Variants in CAVIN1 observed in about 807,000 individuals in gnomAD.
The protein encoded by CAVIN1 is caveolae associated protein 1.
Under a neutral mutation model 24.0 loss-of-function variants are expected in CAVIN1, and 16 were observed. The observed-to-expected ratio is 0.67, with a 90% CI of 0.45 to 1.01. CAVIN1 has a LOEUF of 1.01. CAVIN1 is among the 50% of genes least tolerant of loss of function. The pLI, the probability that CAVIN1 is intolerant of heterozygous loss-of-function variation, is 0.00. For missense variants in CAVIN1, 510 were observed against 551.7 expected, an observed-to-expected ratio of 0.92 and a Z score of 0.76; for synonymous variants, 256 against 256.4, an observed-to-expected ratio of 1.00 and a Z score of 0.02.
At chr17:42,412,140 G>A in intron 1 of CAVIN1, 1 of 985,348 alleles carries the variant, frequency 1.0e-6, no homozygotes, top group Non-Finnish European at 1.2e-6. Context: ...CAAAAGGTGG[G>A]AGCTCAGGCA....
rs192449012 is a variant in CAVIN1 at position 42,409,160 on chromosome 17, G to A, written c.472-3772C>T. 3.7e-3 allele frequency among the ~76,000 whole-genome samples: 562 copies of A among 151,722 alleles called. 5 individuals carry two copies. Among genetic ancestry groups the A allele is most frequent in the African/African-American group, 0.013 (537 of 41,324 alleles). On this transcript the variant is annotated intron_variant, in intron 1 of 1. Coordinates refer to ENST00000357037, the MANE Select transcript of CAVIN1 (RefSeq NM_012232.6). ...CTGTCAACCAGGCTGAAGTGCAGTG[G>A]CATGATTACAGGTCACTACAGCCTC...
chr17:42,412,059 G>A lies in CAVIN1; in HGVS notation c.472-6671C>T, dbSNP rs530633242. 12 of 985,338 alleles carry A rather than the reference G, an allele frequency of 1.2e-5. No homozygotes were observed. In the Admixed American group the frequency reaches 2.5e-4, roughly 20 times the overall value. The allele number at this position is 985,338 out of a possible 1,614,324, so 61.0% of individuals were successfully genotyped here. A position where few individuals can be genotyped will look rare whatever the true frequency, so the allele number is the denominator to read the frequency against. ...CCGGGAGACCCTAAACACTCCCACC[G>A]GCTGTCAGCTCCTCTGGGGTGGGCC... On this transcript the variant is annotated intron_variant, in intron 1 of 1. Transcript: ENST00000357037.
intron 1 of CAVIN1, among the ~76,000 whole-genome samples, chr17:42,415,778 A>G (rs1196740310): frequency 6.6e-6 from 1 of 152,120 alleles, no homozygotes; most frequent in Non-Finnish European, 1.5e-5. Flanking sequence ...AAAAAATGCT[A>G]ATGACAGAAT....
At chr17:42,411,411 T>C in intron 1 of CAVIN1, 1 of 984,982 alleles carries the variant, frequency 1.0e-6, no homozygotes, top group Non-Finnish European at 1.2e-6. Flanking sequence ...TTTAACATTT[T>C]TTTTAAGTTG....
At chr17:42,408,131 A>T (rs1039539055) in intron 1 of CAVIN1, among the ~76,000 whole-genome samples, 5 of 151,974 alleles carry the variant, frequency 3.3e-5, no homozygotes, top group African/African-American at 1.2e-4. Flanking sequence ...CTTTCACTAA[A>T]CTCAGACAAT....
chr17:42,414,756 A>C (rs951538762), intron 1 of CAVIN1, among the ~76,000 whole-genome samples: 1 of 152,040 alleles, frequency 6.6e-6, no homozygotes, highest in Non-Finnish European at 1.5e-5. Flanking sequence ...AAAACAAAGC[A>C]GCAGGTCCCA....
In CAVIN1 at chr17:42,422,613, C is replaced by A; in HGVS notation, c.471+14G>T. ...GCGCGGGAGCTCTGGGCGCCTTCCG[C>A]CCTGTGGGCTCACCTGGTAGATCAT... On this transcript the variant is annotated intron_variant, in intron 1 of 1. Transcript: ENST00000357037. 6.4e-7 allele frequency: 1 copy of A among 1,554,574 alleles called. No individual in the cohort carries two copies. Among genetic ancestry groups the A allele is most frequent in the East Asian group, 2.4e-5 (1 of 41,320 alleles).
intron 1 of CAVIN1, among the ~76,000 whole-genome samples, chr17:42,409,543 G>A (rs1465271028): frequency 6.6e-6 from 1 of 152,148 alleles, no homozygotes; most frequent in Non-Finnish European, 1.5e-5. Context: ...TCAGGGGACA[G>A]GAGACGAAAC....
At position 42,404,822 on chromosome 17, in the gene CAVIN1, G is replaced by A. The variant is rs1041083938; in HGVS notation, c.1038C>T (p.Ala346=). Residue 346 remains alanine, a synonymous_variant, in exon 2 of 2, where the codon GCC becomes GCT. Coordinates refer to ENST00000357037, the MANE Select transcript of CAVIN1 (RefSeq NM_012232.6). Reference sequence around the variant, plus strand: ...GCTCCGCGCCGCCCTCGTCGTCGTCGGCGCCCACCTCCACCATCTCGGTGG... The same window carrying A: ...GCTCCGCGCCGCCCTCGTCGTCGTCAGCGCCCACCTCCACCATCTCGGTGG... ...LKATEMVEVG[A]DDDEGGAERG... The A allele has an allele frequency of 1.2e-6, 2 of 1,612,220 alleles. No individual in the cohort carries two copies. Among genetic ancestry groups the A allele is most frequent in the Admixed American group, 1.7e-5 (1 of 59,886 alleles).
At chr17:42,408,288 C>G (rs933454753) in intron 1 of CAVIN1, among the ~76,000 whole-genome samples, 18 of 152,028 alleles carry the variant, frequency 1.2e-4, no homozygotes, top group African/African-American at 3.9e-4. Flanking sequence ...TGCTCCACCC[C>G]ACCCCTAAAG....
Position 42,405,334 on chromosome 17 carries a change from C to G in CAVIN1, c.526G>C (p.Glu176Gln), listed in dbSNP as rs773010943. 1 of 1,610,022 alleles carries G rather than the reference C, an allele frequency of 6.2e-7. No individual in the cohort carries two copies. Among genetic ancestry groups the G allele is most frequent in the Non-Finnish European group, 8.5e-7 (1 of 1,179,996 alleles). ...TCGCCCTCCTTCTCTGGCAGCGCCT[C>G]CGACTCTTTCAGCGATTTGCTGATG... is the stretch of plus-strand genomic sequence containing the variant. ...LSISKSLKES[E>Q]ALPEKEGEEL... The change falls in exon 2 of 2, where the codon GAG (glutamate) becomes CAG (glutamine). Residue 176 changes from glutamate to glutamine, a missense_variant. Glu to Gln is a conservative substitution (Grantham distance 29). Transcript: ENST00000357037.
intron 1 of CAVIN1, among the ~76,000 whole-genome samples, chr17:42,420,743 T>C (rs2085540003): frequency 6.6e-6 from 1 of 152,144 alleles, no homozygotes; most frequent in Non-Finnish European, 1.5e-5. Flanking sequence ...CTTTCCCTCT[T>C]CTCTCAGAAT....
intron 1 of CAVIN1, among the ~76,000 whole-genome samples, chr17:42,419,010 A>T (rs1173405574): frequency 6.6e-6 from 1 of 152,114 alleles, no homozygotes; most frequent in African/African-American, 2.4e-5. Flanking sequence ...TGGGCAACTA[A>T]GTGAGACCCC....
At position 42,405,241 on chromosome 17, in the gene CAVIN1, CCGCCTCGTCCGACGAAAGCTCCAG is replaced by C; in HGVS notation, c.595_618del (p.Leu199_Ala206del). ...TCCTCAATAACCTCCTCAACCTCCA[CCGCCTCGTCCGACGAAAGCTCCAG>C]CGCCGCTGCGTCCTCCTCGGGCCGC... On this transcript the variant is annotated inframe_deletion, in exon 2 of 2. Transcript: ENST00000357037. 6.2e-7 allele frequency: 1 copy of C among 1,613,776 alleles called. No homozygotes were observed. The highest frequency in any genetic ancestry group is 8.5e-7 in the Non-Finnish European group (1 of 1,179,950).
chr17:42,421,552 C>T (rs113137416), intron 1 of CAVIN1, among the ~76,000 whole-genome samples: 2 of 152,168 alleles, frequency 1.3e-5, no homozygotes, highest in Non-Finnish European at 2.9e-5. Flanking sequence ...GGCTGGAACA[C>T]TTGCCGCCCA....
rs747663663 is a variant in CAVIN1 at position 42,422,670 on chromosome 17, G to A, written c.428C>T (p.Ala143Val). 20 of 1,603,170 alleles carry A rather than the reference G, an allele frequency of 1.2e-5. No homozygotes were observed. Among genetic ancestry groups the A allele is most frequent in the Middle Eastern group, 1.6e-4 (1 of 6,070 alleles). ...GQIKKLEVNE[A>V]ELLRRRNFKV... is the part of the protein sequence containing the mutation. ...AAAGTTGCGGCGCCGCAGCAGCTCG[G>A]CCTCGTTGACCTCCAGCTTCTTGAT... Residue 143 changes from alanine to valine, a missense_variant, in exon 1 of 2, where the codon GCC becomes GTC. Coordinates refer to ENST00000357037, the MANE Select transcript of CAVIN1 (RefSeq NM_012232.6).
intron 1 of CAVIN1, among the ~76,000 whole-genome samples, chr17:42,417,153 C>T (rs551004856): frequency 6.6e-6 from 1 of 152,086 alleles, no homozygotes; most frequent in Non-Finnish European, 1.5e-5. Context: ...CAACCGTGGT[C>T]CCATAAGATT....
intron 1 of CAVIN1, among the ~76,000 whole-genome samples, chr17:42,409,451 T>A (rs963906519): frequency 2.2e-4 from 33 of 152,104 alleles, no homozygotes; most frequent in African/African-American, 7.2e-4. Flanking sequence ...CAGTAAGGGA[T>A]CTGGGGGCTC....
Position 42,405,062 on chromosome 17 carries a change from C to T in CAVIN1, c.798G>A (p.Thr266=), listed in dbSNP as rs1298187185. Residue 266 remains threonine (T), a synonymous_variant, in exon 2 of 2, where the codon ACG becomes ACA. Coordinates refer to ENST00000357037, the MANE Select transcript of CAVIN1 (RefSeq NM_012232.6). ...TCATGCGCTTCTCCAGGGTGTGCCG[C>T]GTCTTCTCCAGGTTTTCCTTGGTCT... ...RLKTKENLEK[T]RHTLEKRMNK... 1 of 1,614,174 alleles carries T rather than the reference C, an allele frequency of 6.2e-7. No individual in the cohort carries two copies.
Sources: allele counts gnomAD v4.1 joint callset (sites outside exome capture counted in the v4.1 genomes callset), GRCh38; gene constraint gnomAD v4.1.1; transcripts MANE v1.5; gene names NCBI Gene and HGNC (gene_info 2026-07-23, HGNC 2026-07-21).